The following TFEC variants were observed in gnomAD, a reference collection of about 807,000 sequenced individuals.
TFEC encodes class E basic helix-loop-helix protein 34.
A neutral mutation model predicts 41.6 loss-of-function variants in TFEC; 31 were observed. That is an observed-to-expected ratio of 0.74 (90% CI 0.56 to 1.01). The LOEUF (loss-of-function observed/expected upper bound fraction) is 1.01, where lower values mean the gene tolerates loss of function less well. Ranked by LOEUF, TFEC falls within the 50% of genes least tolerant of loss-of-function variation. TFEC has a pLI of 0.00. For synonymous variants in TFEC, 143 were observed against 140.6 expected (o/e 1.02, Z -0.12); for missense variants, 402 against 404.1 (o/e 0.99, Z 0.04).
intron 3 of TFEC, among the ~76,000 whole-genome samples, chr7:115,961,758 A>AG (rs1792566055): frequency 6.6e-6 from 1 of 151,768 alleles, no homozygotes; most frequent in Non-Finnish European, 1.5e-5. Context: ...GAGCAAGATA[A>AG]GGATGCCTGT....
At chr7:116,009,774 G>T (rs1794931126) in intron 1 of TFEC, among the ~76,000 whole-genome samples, 1 of 152,142 alleles carries the variant, frequency 6.6e-6, no homozygotes, top group African/African-American at 2.4e-5. Context: ...GCACTTGAGT[G>T]GGCAGAGTGG....
At chr7:115,981,528 T>C (rs890531540) in intron 2 of TFEC, among the ~76,000 whole-genome samples, 2 of 152,206 alleles carry the variant, frequency 1.3e-5, no homozygotes, top group Non-Finnish European at 2.9e-5. Context: ...TTGGCAGAAA[T>C]TCATCTTAGG....
At chr7:116,099,490 A>G (rs1339011177) in intron 3 of TFEC, among the ~76,000 whole-genome samples, 3 of 152,360 alleles carry the variant, frequency 2.0e-5, no homozygotes, top group South Asian at 2.1e-4. Flanking sequence ...GGGACAACAT[A>G]CAAGTAGAAG....
At chr7:116,141,532 TG>T (rs1393757498) in intron 1 of TFEC, among the ~76,000 whole-genome samples, 3 of 152,278 alleles carry the variant, frequency 2.0e-5, no homozygotes, top group Non-Finnish European at 2.9e-5. Flanking sequence ...CAGAGTCCCT[TG>T]GGTATGATCA....
chr7:116,001,760 T>C (rs1246154544), intron 1 of TFEC, among the ~76,000 whole-genome samples: 1 of 151,978 alleles, frequency 6.6e-6, no homozygotes, highest in Non-Finnish European at 1.5e-5. Flanking sequence ...TGACATGGGA[T>C]TAATAAACAG....
At chr7:115,971,439 C>T (rs1161369908) in intron 3 of TFEC, among the ~76,000 whole-genome samples, 1 of 151,730 alleles carries the variant, frequency 6.6e-6, no homozygotes, top group Non-Finnish European at 1.5e-5. Context: ...GCATTTCTTT[C>T]CATATCTGTT....
chr7:115,990,902 G>A (rs1794078966), intron 1 of TFEC, among the ~76,000 whole-genome samples: 1 of 152,104 alleles, frequency 6.6e-6, no homozygotes, highest in South Asian at 2.1e-4. Context: ...TACTCCTCGA[G>A]AAGAGCAACT....
chr7:116,087,431 G>A (rs1797226771), intron 3 of TFEC, among the ~76,000 whole-genome samples: 1 of 151,886 alleles, frequency 6.6e-6, no homozygotes, highest in Non-Finnish European at 1.5e-5. Context: ...CCTATATTAT[G>A]TCTATTCTAC....
intron 3 of TFEC, among the ~76,000 whole-genome samples, chr7:116,064,496 A>C (rs898609989): frequency 2.0e-5 from 3 of 152,018 alleles, no homozygotes; most frequent in African/African-American, 7.2e-5. Flanking sequence ...AATAAAGAAA[A>C]AAGGAAAGAG....
intron 1 of TFEC, among the ~76,000 whole-genome samples, chr7:116,019,060 T>C (rs1402041338): frequency 6.7e-6 from 1 of 148,718 alleles, no homozygotes; most frequent in Non-Finnish European, 1.5e-5. Flanking sequence ...GGCCAAAGAG[T>C]GAGGAAAAAA....
rs187324200 is a variant in TFEC at position 116,046,314 on chromosome 7, G to C, written c.199-61801C>G. The stretch of plus-strand genomic sequence containing the variant: ...GTATCTCCCCGAATTCCCACATGTT[G>C]TGGAAGGGACCCAGGAGGAGGTAAC... On this transcript the variant is annotated intron_variant, in intron 3 of 8. Coordinates refer to the TFEC transcript ENST00000484212. Among the ~76,000 whole-genome samples the C allele has an allele frequency of 3.5e-3, 540 of 152,296 alleles. 11 individuals carry two copies. Among genetic ancestry groups the C allele is most frequent in the Admixed American group, 0.033 (506 of 15,300 alleles).
chr7:115,967,860 T>C (rs1792938696), intron 3 of TFEC, among the ~76,000 whole-genome samples: 1 of 151,846 alleles, frequency 6.6e-6, no homozygotes, highest in South Asian at 2.1e-4. Context: ...ACCTATTTAG[T>C]AATAAATAAA....
chr7:116,088,401 G>C (rs778099088), intron 3 of TFEC, among the ~76,000 whole-genome samples: 1 of 152,008 alleles, frequency 6.6e-6, no homozygotes, highest in South Asian at 2.1e-4. Flanking sequence ...GGTAGTAGTC[G>C]GCTAAATATT....
At chr7:116,153,794 TAAAG>T (rs1340710773) in intron 1 of TFEC, among the ~76,000 whole-genome samples, 7 of 152,214 alleles carry the variant, frequency 4.6e-5, no homozygotes, top group Admixed American at 1.3e-4. Context: ...TTAGGAAAGT[TAAAG>T]AAACAGCAAC....
intron 1 of TFEC, among the ~76,000 whole-genome samples, chr7:116,125,023 A>T (rs1584546213): frequency 6.6e-6 from 1 of 152,228 alleles, no homozygotes; most frequent in African/African-American, 2.4e-5. Flanking sequence ...CTGAATTTTC[A>T]TACTTCAACA....
At chr7:116,080,976 AGTGTGTGTGTGTGTGTGTGT>A (rs60317630) in intron 3 of TFEC, among the ~76,000 whole-genome samples, 1 of 137,946 alleles carries the variant, frequency 7.2e-6, no homozygotes, top group Non-Finnish European at 1.6e-5. Context: ...AAGAAAATGT[AGTGTGTGTGTGTGTGTGTGT>A]GTGTGTGTGT....
intron 1 of TFEC, among the ~76,000 whole-genome samples, chr7:116,133,141 C>T (rs1798365909): frequency 6.6e-6 from 1 of 152,182 alleles, no homozygotes; most frequent in African/African-American, 2.4e-5. Flanking sequence ...TCAAAAGTTA[C>T]ATAATGACAA....
intron 4 of TFEC, among the ~76,000 whole-genome samples, chr7:115,956,285 C>T (rs1390117532): frequency 6.7e-6 from 1 of 150,146 alleles, no homozygotes; most frequent in Non-Finnish European, 1.5e-5. Context: ...TCAAATTCTG[C>T]ATACAAAGAA....
intron 1 of TFEC, among the ~76,000 whole-genome samples, chr7:116,158,683 C>A (rs1016733596): frequency 2.6e-5 from 4 of 151,992 alleles, no homozygotes; most frequent in Non-Finnish European, 5.9e-5. Context: ...GCTTAAAGTA[C>A]ATAATAATGG....
Sources: gnomAD v4.1 joint callset for allele counts (sites outside exome capture counted in the v4.1 genomes callset) on GRCh38, gnomAD v4.1.1 for gene constraint, MANE v1.5 for transcripts, NCBI Gene and HGNC (gene_info 2026-07-23, HGNC 2026-07-21) for gene names.